FGF5: variants seen among roughly 807,000 people sequenced by gnomAD.
FGF5 encodes the protein heparin-binding growth factor 5.
FGF5 carries 23 observed loss-of-function variants against 21.8 expected under a neutral mutation model. The observed-to-expected ratio is 1.05, with a 90% CI of 0.76 to 1.49. The LOEUF is 1.49. Ranked by LOEUF, FGF5 falls within the 40% of genes most tolerant of loss-of-function variation. The pLI, the probability that FGF5 is intolerant of heterozygous loss-of-function variation, is 0.00. For synonymous variants in FGF5, 158 were observed against 124.0 expected (o/e 1.27, Z -1.82); for missense variants, 352 against 332.9 (o/e 1.06, Z -0.45).
chr4:80,267,276 G>C (rs1339295413), intron 1 of FGF5, 97 bp downstream of exon 1: 5 of 1,012,396 alleles, frequency 4.9e-6, no homozygotes, highest in Non-Finnish European at 5.8e-6. Context: ...TCACCTTCCT[G>C]AGCCCAGGCC....
At chr4:80,277,436 G>A (rs1375908974) in intron 2 of FGF5, among the ~76,000 whole-genome samples, 1 of 151,964 alleles carries the variant, frequency 6.6e-6, no homozygotes, top group South Asian at 2.1e-4. Flanking sequence ...TTTTCCTCTA[G>A]GTGTAAACCT....
In FGF5 at chr4:80,274,987, CA is replaced by C. The variant is rs35667286; in HGVS notation, c.441del (p.Gly148GlufsTer45). ...TTCAGCAACAAATTTTTAGCGATGT[CA>C]AAAAAAGGAAAACTCCATGCAAGTG... Reference protein sequence around the residue: ...GVFSNKFLAMSKKGKLHASAK... With the variant: ...GVFSNKFLAMXKKGKLHASAK... On this transcript the variant is annotated frameshift_variant, in exon 2 of 3. Coordinates refer to ENST00000312465, the MANE Select transcript of FGF5 (RefSeq NM_004464.4). LOFTEE classifies it high-confidence loss of function. 4.1e-5 allele frequency: 64 copies of C among 1,570,176 alleles called. No individual in the cohort carries two copies. Among genetic ancestry groups the C allele is most frequent in the Admixed American group, 1.2e-4 (7 of 58,222 alleles).
chr4:80,276,732 A>G (rs1314145590), intron 2 of FGF5, among the ~76,000 whole-genome samples: 1 of 151,118 alleles, frequency 6.6e-6, no homozygotes, highest in African/African-American at 2.4e-5. Flanking sequence ...AAATCCACAT[A>G]CAGATGAGTT....
intron 1 of FGF5, among the ~76,000 whole-genome samples, chr4:80,271,895 A>G (rs1445307282): frequency 6.6e-6 from 1 of 152,234 alleles, no homozygotes; most frequent in Non-Finnish European, 1.5e-5. Context: ...GGTTTAAAAA[A>G]TTACGTAGAA....
intron 1 of FGF5, among the ~76,000 whole-genome samples, chr4:80,273,898 C>A (rs1016419234): frequency 6.6e-6 from 1 of 151,978 alleles, no homozygotes; most frequent in African/African-American, 2.4e-5. Context: ...AGCTAAAAAT[C>A]TCTTTTTAAA....
intron 1 of FGF5, among the ~76,000 whole-genome samples, chr4:80,273,420 A>G (rs1720325659): frequency 6.6e-6 from 1 of 152,170 alleles, no homozygotes; most frequent in Admixed American, 6.5e-5. Flanking sequence ...AGTGCTTGCT[A>G]GAATTATAGA....
Position 80,287,112 on chromosome 4 carries a change from T to C in FGF5, c.*440T>C, listed in dbSNP as rs1211847918. The C allele has an allele frequency of 6.4e-6, 1 of 156,194 alleles. No homozygotes were observed. The highest frequency in any genetic ancestry group is 2.4e-5 in the African/African-American group (1 of 41,488). 9.7% of individuals were successfully genotyped at this position (156,194 alleles called of 1,614,324 possible). On this transcript the variant is annotated 3_prime_UTR_variant, in exon 3 of 3. Coordinates refer to ENST00000312465, the MANE Select transcript of FGF5 (RefSeq NM_004464.4). ...TTTTGTTTGTTTTCTTAAAAGTACC[T>C]CTGCATTGAGCATATTTTCTTACTT... is the stretch of plus-strand genomic sequence containing the variant.
chr4:80,279,238 A>C (rs1218468299), intron 2 of FGF5, among the ~76,000 whole-genome samples: 1 of 152,184 alleles, frequency 6.6e-6, no homozygotes, highest in African/African-American at 2.4e-5. Context: ...CCTTGGTTTT[A>C]TCAACTACAA....
intron 1 of FGF5, among the ~76,000 whole-genome samples, chr4:80,267,948 G>A (rs186286685): frequency 6.6e-6 from 1 of 152,312 alleles, no homozygotes; most frequent in East Asian, 1.9e-4. Context: ...ACCGTATTAG[G>A]AGAGTGGCCA....
Position 80,282,003 on chromosome 4 carries a change from C to T in FGF5, c.460-4322C>T, listed in dbSNP as rs371477336. Among the ~76,000 whole-genome samples, 39 of 151,936 alleles carry T rather than the reference C, an allele frequency of 2.6e-4. 3 individuals carry two copies. Among genetic ancestry groups the T allele is most frequent in the Admixed American group, 1.8e-3 (27 of 15,246 alleles). On this transcript the variant is annotated intron_variant, in intron 2 of 2. Coordinates refer to ENST00000312465, the MANE Select transcript of FGF5 (RefSeq NM_004464.4). ...TTGAGATAGAGTTTTGCTCTTGTTG[C>T]CCAGGCTAGAGTGCAATGGTAGGAT...
intron 2 of FGF5, among the ~76,000 whole-genome samples, chr4:80,281,591 C>T (rs1056911880): frequency 1.1e-4 from 16 of 152,124 alleles, no homozygotes; most frequent in African/African-American, 3.9e-4. Context: ...AAATTCACTC[C>T]TATTTCTATA....
chr4:80,275,192 T>A (rs539748257), intron 2 of FGF5, among the ~76,000 whole-genome samples, 180 bp downstream of exon 2: 8 of 152,022 alleles, frequency 5.3e-5, no homozygotes, highest in Non-Finnish European at 1.2e-4. Flanking sequence ...TTTAAATATT[T>A]AATTTACTTA....
chr4:80,286,585 T>C lies in FGF5; in HGVS notation c.720T>C (p.Pro240=). ...TVTVPEKKKP[P]SPIKPKIPLS... is the part of the protein sequence containing the mutation. ...CTGTTCCTGAAAAGAAAAAGCCACCTAGCCCTATCAAGCCAAAGATTCCCC... is the reference window on the plus strand; with the variant it reads ...CTGTTCCTGAAAAGAAAAAGCCACCCAGCCCTATCAAGCCAAAGATTCCCC... The change falls in exon 3 of 3, where the codon CCT becomes CCC. Residue 240 remains proline, a synonymous_variant. Transcript: ENST00000312465. 2 of 1,614,016 alleles carry C rather than the reference T, an allele frequency of 1.2e-6. No homozygotes were observed. Among genetic ancestry groups the C allele is most frequent in the Non-Finnish European group, 1.7e-6 (2 of 1,179,966 alleles).
At chr4:80,281,446 T>TTTTCCC (rs1720552885) in intron 2 of FGF5, among the ~76,000 whole-genome samples, 1 of 152,222 alleles carries the variant, frequency 6.6e-6, no homozygotes, top group East Asian at 1.9e-4. Context: ...TTTGATTATT[T>TTTTCCC]ATATTTGGCT....
intron 1 of FGF5, among the ~76,000 whole-genome samples, chr4:80,267,733 G>GTAGATAAA (rs113857771): frequency 1.3e-5 from 2 of 150,952 alleles, no homozygotes; most frequent in African/African-American, 4.9e-5. Flanking sequence ...ATACACATAG[G>GTAGATAAA]TAGATAGATA....
intron 2 of FGF5, 62 bp from the exon 3 acceptor site, chr4:80,286,263 G>A (rs1017292830): frequency 3.5e-6 from 4 of 1,152,544 alleles, no homozygotes; most frequent in Non-Finnish European, 5.0e-6. Context: ...AATACCTTAT[G>A]TTTTATTACA....
At chr4:80,284,656 G>T (rs936038067) in intron 2 of FGF5, among the ~76,000 whole-genome samples, 3 of 152,174 alleles carry the variant, frequency 2.0e-5, no homozygotes, top group Admixed American at 2.0e-4. Context: ...TGAATGTGCT[G>T]TTGGAAATGC....
At chr4:80,267,790 T>C (rs1334850841) in intron 1 of FGF5, among the ~76,000 whole-genome samples, 1 of 147,286 alleles carries the variant, frequency 6.8e-6, no homozygotes, top group Non-Finnish European at 1.5e-5. Flanking sequence ...GATAGATAAC[T>C]AGGGGACACC....
intron 2 of FGF5, among the ~76,000 whole-genome samples, chr4:80,280,264 G>A (rs996416120): frequency 6.6e-6 from 1 of 152,238 alleles, no homozygotes; most frequent in Non-Finnish European, 1.5e-5. Context: ...TGCCTTCGCA[G>A]TAAATGCCAG....
Sources: gnomAD v4.1 joint callset for allele counts (sites outside exome capture counted in the v4.1 genomes callset) on GRCh38, gnomAD v4.1.1 for gene constraint, MANE v1.5 for transcripts, NCBI Gene and HGNC (gene_info 2026-07-23, HGNC 2026-07-21) for gene names.